FAT3: variants seen among roughly 807,000 people sequenced by gnomAD.
The protein encoded by FAT3 is FAT atypical cadherin 3.
A neutral mutation model predicts 310.2 loss-of-function variants in FAT3; 95 were observed. The ratio of observed to expected loss-of-function variants is 0.31; its 90% CI spans 0.26 to 0.36. The LOEUF is 0.36. Among genes scored for constraint, FAT3 ranks in the 10% least tolerant of loss-of-function variants. FAT3 has a pLI of 1.00. For missense variants in FAT3, 5,408 were observed against 5,715.6 expected, an observed-to-expected ratio of 0.95 and a Z score of 1.74; for synonymous variants, 2,314 against 2,192.9, an observed-to-expected ratio of 1.06 and a Z score of -1.54.
chr11:92,831,770 G>T lies in FAT3; in HGVS notation c.9630G>T (p.Gln3210His). Residue 3210 changes from glutamine to histidine, a missense_variant, in exon 14 of 28, where the codon CAG becomes CAT. Physicochemically the swap from Gln to His is conservative, Grantham distance 24. Coordinates refer to ENST00000525166, the MANE Select transcript of FAT3 (RefSeq NM_001367949.2). ...SYNISVRATD[Q>H]SPGQSLSSLT... ...ACATCAGCGTGCGGGCCACTGACCA[G>T]AGTCCTGGACAGTCCCTGTCCTCTC... 1 of 1,613,610 alleles carries T rather than the reference G, an allele frequency of 6.2e-7. No individual in the cohort carries two copies. The highest frequency in any genetic ancestry group is 8.5e-7 in the Non-Finnish European group (1 of 1,179,786).
chr11:92,608,720 C>CAAT (rs9299904), intron 3 of FAT3, among the ~76,000 whole-genome samples: 104 of 145,184 alleles, frequency 7.2e-4, no homozygotes, highest in South Asian at 2.0e-3. Context: ...CTGAATTCAG[C>CAAT]AATAATAATA....
chr11:92,583,791 C>A (rs910811220), intron 3 of FAT3, among the ~76,000 whole-genome samples: 2 of 151,998 alleles, frequency 1.3e-5, no homozygotes, highest in Admixed American at 1.3e-4. Context: ...ATGCATTGTT[C>A]GTTCATTTTA....
chr11:92,327,715 C>T (rs540273333), intron 1 of FAT3, among the ~76,000 whole-genome samples: 1 of 152,284 alleles, frequency 6.6e-6, no homozygotes, highest in Middle Eastern at 3.4e-3. Context: ...CGGGTCCCAT[C>T]CACTGGGTCT....
At chr11:92,887,787 C>CT (rs1781232281) in intron 25 of FAT3, among the ~76,000 whole-genome samples, 1 of 152,202 alleles carries the variant, frequency 6.6e-6, no homozygotes, top group South Asian at 2.1e-4. Context: ...GAGGAACCAG[C>CT]TTCGGAGGAT....
chr11:92,539,830 C>T (rs931472574), intron 3 of FAT3, among the ~76,000 whole-genome samples: 2 of 152,060 alleles, frequency 1.3e-5, no homozygotes, highest in Non-Finnish European at 1.5e-5. Flanking sequence ...ATTAATGTGT[C>T]TTTCAGTTTT....
chr11:92,800,206 T>C lies in FAT3; in HGVS notation c.7193T>C (p.Ile2398Thr), dbSNP rs1355119530. Residue 2398 changes from isoleucine (I) to threonine (T), a missense_variant, in exon 10 of 28, where the codon ATT becomes ACT. Physicochemically the swap from Ile to Thr is moderately conservative, Grantham distance 89 (BLOSUM62 -1). Transcript: ENST00000525166. ...AACCCTCCAGTTTTTAATCAGCTCA[T>C]TTATGAGTCATATGTGAGTGAATTA... is the stretch of plus-strand genomic sequence containing the variant. ...NDNPPVFNQL[I>T]YESYVSELAP... is the part of the protein sequence containing the mutation. The C allele has an allele frequency of 6.8e-6, 11 of 1,613,908 alleles. No individual in the cohort carries two copies. The highest frequency in any genetic ancestry group is 1.3e-5 in the African/African-American group (1 of 74,938).
In FAT3 at chr11:92,352,424, T is replaced by C; in HGVS notation, c.312T>C (p.Phe104=). ...AAGTCATCATTGCAGATTTCTGTTT[T>C]CTCAGAATAAGAACTAAAGGTGGCA... ...AEEVIIADFC[F]LRIRTKGGNS... Residue 104 remains phenylalanine (F), a synonymous_variant, in exon 2 of 28, where the codon TTT becomes TTC. Coordinates refer to ENST00000525166, the MANE Select transcript of FAT3 (RefSeq NM_001367949.2). The C allele has an allele frequency of 6.2e-7, 1 of 1,612,192 alleles. No individual in the cohort carries two copies. The highest frequency in any genetic ancestry group is 8.5e-7 in the Non-Finnish European group (1 of 1,179,284).
At chr11:92,733,894 T>G (rs1239382390) in intron 4 of FAT3, among the ~76,000 whole-genome samples, 1 of 152,156 alleles carries the variant, frequency 6.6e-6, no homozygotes, top group Non-Finnish European at 1.5e-5. Flanking sequence ...TTTTGAAAGG[T>G]TTTCTAATAT....
chr11:92,872,484 A>C (rs149771939), intron 22 of FAT3, among the ~76,000 whole-genome samples: 1 of 152,342 alleles, frequency 6.6e-6, no homozygotes, highest in African/African-American at 2.4e-5. Flanking sequence ...CAGCTTATGG[A>C]AAAAAATTTT....
intron 7 of FAT3, among the ~76,000 whole-genome samples, chr11:92,782,496 T>TG (rs1946779362): frequency 6.6e-6 from 1 of 152,072 alleles, no homozygotes; most frequent in Non-Finnish European, 1.5e-5. Flanking sequence ...CCCCTGAGCC[T>TG]GGGAGGTCGA....
At chr11:92,522,157 GC>G (rs1953706970) in intron 2 of FAT3, among the ~76,000 whole-genome samples, 2 of 152,114 alleles carry the variant, frequency 1.3e-5, no homozygotes, top group Admixed American at 1.3e-4. Context: ...CCTCACCCCA[GC>G]TCACACCTTT....
intron 1 of FAT3, among the ~76,000 whole-genome samples, chr11:92,291,080 T>TACACACACACACACACAC (rs141883138): frequency 9.9e-4 from 142 of 142,882 alleles, no homozygotes; most frequent in Non-Finnish European, 1.5e-3. Flanking sequence ...CTTTTTATTC[T>TACACACACACACACACAC]ACACACACAC....
chr11:92,607,808 A>G (rs955897983), intron 3 of FAT3, among the ~76,000 whole-genome samples: 11 of 152,158 alleles, frequency 7.2e-5, no homozygotes, highest in African/African-American at 2.4e-4. Context: ...GGAAAAGGCA[A>G]CACTTTACTT....
chr11:92,247,687 G>T (rs1177266252), intron 1 of FAT3, among the ~76,000 whole-genome samples: 1 of 150,706 alleles, frequency 6.6e-6, no homozygotes, highest in Non-Finnish European at 1.5e-5. Flanking sequence ...TGACTTCTTT[G>T]CGGAAGTCTG....
intron 2 of FAT3, among the ~76,000 whole-genome samples, chr11:92,366,293 A>C (rs754796889): frequency 6.6e-6 from 1 of 152,192 alleles, no homozygotes; most frequent in African/African-American, 2.4e-5. Flanking sequence ...CCCTAGAAGC[A>C]TTATTCTGAC....
chr11:92,319,070 A>G (rs1401687391), intron 1 of FAT3, among the ~76,000 whole-genome samples: 1 of 152,218 alleles, frequency 6.6e-6, no homozygotes, highest in Non-Finnish European at 1.5e-5. Flanking sequence ...CTCATACACA[A>G]TCTAAACAAC....
intron 19 of FAT3, among the ~76,000 whole-genome samples, chr11:92,854,623 G>T (rs2136316251): frequency 6.6e-6 from 1 of 152,366 alleles, no homozygotes; most frequent in South Asian, 2.1e-4. Flanking sequence ...GAAATACAGA[G>T]TTTAATTTTT....
At chr11:92,498,358 C>T (rs150302175) in intron 2 of FAT3, 182 of 234,652 alleles carry the variant, frequency 7.8e-4, no homozygotes, top group African/African-American at 3.8e-3. Context: ...TTGTCTTTTC[C>T]GATGCTGTCT....
chr11:92,471,914 G>GAT (rs1591334645), intron 2 of FAT3, among the ~76,000 whole-genome samples: 13 of 62,928 alleles, frequency 2.1e-4, no homozygotes, highest in African/African-American at 5.7e-4. Flanking sequence ...CTTTTCATAT[G>GAT]CTATATATAT....
Sources: gnomAD v4.1 joint callset for allele counts (sites outside exome capture counted in the v4.1 genomes callset) on GRCh38, gnomAD v4.1.1 for gene constraint, MANE v1.5 for transcripts, NCBI Gene and HGNC (gene_info 2026-07-23, HGNC 2026-07-21) for gene names.